Variants in MAML3 observed in about 807,000 individuals in gnomAD.
MAML3 encodes the protein mastermind like transcriptional coactivator 3, also known as mastermind-like protein 3.
In MAML3, 27 loss-of-function variants were observed where a neutral mutation model predicts 101.9. The observed-to-expected ratio is 0.27, with a 90% CI of 0.20 to 0.37. The LOEUF is 0.37. Ranked by LOEUF, MAML3 falls within the 10% of genes least tolerant of loss-of-function variation. The probability of loss-of-function intolerance (pLI) is 1.00; values close to 1 mark genes in which losing one functional copy is unlikely to be tolerated. For missense variants in MAML3, 1,316 were observed against 1,444.9 expected, an observed-to-expected ratio of 0.91 and a Z score of 1.45; for synonymous variants, 501 against 555.9, an observed-to-expected ratio of 0.90 and a Z score of 1.39.
intron 1 of MAML3, among the ~76,000 whole-genome samples, chr4:140,137,104 T>G (rs1728902482): frequency 6.6e-6 from 1 of 152,238 alleles, no homozygotes; most frequent in African/African-American, 2.4e-5. Context: ...TTCTCCTGCC[T>G]CAGCCTCCTG....
chr4:140,075,184 T>C (rs1727746256), intron 1 of MAML3, among the ~76,000 whole-genome samples: 1 of 152,182 alleles, frequency 6.6e-6, no homozygotes, highest in South Asian at 2.1e-4. Flanking sequence ...ATAAGAAGGC[T>C]GAAGTTTGGG....
intron 2 of MAML3, among the ~76,000 whole-genome samples, chr4:139,852,414 T>TGTTG (rs1221197402): frequency 5.2e-5 from 7 of 134,172 alleles, no homozygotes; most frequent in African/African-American, 1.8e-4. Flanking sequence ...TTTTTTTTTT[T>TGTTG]TTTTTTTTTT....
intron 1 of MAML3, among the ~76,000 whole-genome samples, chr4:139,922,087 C>A (rs1203600452): frequency 6.6e-6 from 1 of 152,130 alleles, no homozygotes; most frequent in Non-Finnish European, 1.5e-5. Flanking sequence ...GGAAATCAAT[C>A]CAGGAGCTAG....
At chr4:139,902,267 A>G (rs13146136) in intron 1 of MAML3, among the ~76,000 whole-genome samples, 104,085 of 145,804 alleles carry the variant, frequency 0.71, 38,574 homozygotes, top group Non-Finnish European at 0.85. Context: ...ACACACGCAC[A>G]CACACACGCA....
chr4:140,041,261 C>G (rs1431773750), intron 1 of MAML3, among the ~76,000 whole-genome samples: 2 of 151,914 alleles, frequency 1.3e-5, no homozygotes, highest in Non-Finnish European at 2.9e-5. Context: ...GATAAATATG[C>G]CTTTGCTAGC....
At chr4:139,784,327 CCT>C (rs1730268528) in intron 2 of MAML3, among the ~76,000 whole-genome samples, 1 of 152,218 alleles carries the variant, frequency 6.6e-6, no homozygotes, top group Non-Finnish European at 1.5e-5. Context: ...CTTCCAATTT[CCT>C]GTTTCTAAAA....
intron 1 of MAML3, among the ~76,000 whole-genome samples, chr4:140,023,028 C>T (rs1201218063): frequency 6.6e-6 from 1 of 152,174 alleles, no homozygotes; most frequent in Admixed American, 6.6e-5. Context: ...AATAATCCCC[C>T]TTTTAAGATA....
chr4:139,758,679 T>C (rs997901897), intron 2 of MAML3, among the ~76,000 whole-genome samples: 1 of 152,214 alleles, frequency 6.6e-6, no homozygotes, highest in African/African-American at 2.4e-5. Context: ...GATGTCCCCG[T>C]TTATTTTCCA....
intron 1 of MAML3, among the ~76,000 whole-genome samples, chr4:140,120,013 G>A (rs1578694477): frequency 6.6e-6 from 1 of 151,966 alleles, no homozygotes; most frequent in African/African-American, 2.4e-5. Flanking sequence ...CGAGGCAGGC[G>A]GATCACGAGG....
intron 1 of MAML3, among the ~76,000 whole-genome samples, chr4:139,986,620 T>TC (rs1203142848): frequency 1.3e-5 from 2 of 150,992 alleles, no homozygotes; most frequent in African/African-American, 4.9e-5. Flanking sequence ...CGACTTACTT[T>TC]TTTTTTTTTT....
chr4:139,751,338 G>A (rs1041245689), intron 2 of MAML3, among the ~76,000 whole-genome samples: 3 of 152,158 alleles, frequency 2.0e-5, no homozygotes, highest in African/African-American at 7.2e-5. Context: ...TGGAATATTT[G>A]CATATATATA....
intron 1 of MAML3, among the ~76,000 whole-genome samples, chr4:140,094,597 T>C (rs560777927): frequency 3.3e-4 from 51 of 152,330 alleles, no homozygotes; most frequent in African/African-American, 1.1e-3. Context: ...GACCCATCTC[T>C]GATGAAGACA....
intron 1 of MAML3, among the ~76,000 whole-genome samples, chr4:140,149,367 A>G (rs1234935242): frequency 6.6e-6 from 1 of 152,210 alleles, no homozygotes; most frequent in Admixed American, 6.5e-5. Context: ...GGACTCACAC[A>G]GAACCCAGCC....
intron 2 of MAML3, among the ~76,000 whole-genome samples, chr4:139,793,227 T>C (rs1264683427): frequency 6.6e-6 from 1 of 152,144 alleles, no homozygotes; most frequent in Non-Finnish European, 1.5e-5. Flanking sequence ...TACAGGTTCA[T>C]TGGAAAGAGC....
intron 1 of MAML3, among the ~76,000 whole-genome samples, chr4:139,937,178 T>C (rs1020120284): frequency 1.3e-5 from 2 of 152,234 alleles, no homozygotes; most frequent in African/African-American, 2.4e-5. Context: ...CTTTCAGTAA[T>C]GAATTAAATC....
intron 1 of MAML3, among the ~76,000 whole-genome samples, chr4:140,090,271 C>T (rs962833525): frequency 3.2e-4 from 49 of 152,272 alleles, no homozygotes; most frequent in African/African-American, 1.2e-3. Flanking sequence ...AATGAAACAG[C>T]GAAATGAACT....
At chr4:139,873,013 T>C (rs1396074426) in intron 2 of MAML3, among the ~76,000 whole-genome samples, 5 of 152,036 alleles carry the variant, frequency 3.3e-5, no homozygotes, top group African/African-American at 7.3e-5. Context: ...ACCCAGAAGG[T>C]AGACGTTGCA....
At chr4:139,938,613 C>G (rs1733548391) in intron 1 of MAML3, among the ~76,000 whole-genome samples, 1 of 152,116 alleles carries the variant, frequency 6.6e-6, no homozygotes, top group African/African-American at 2.4e-5. Flanking sequence ...AGGATGAACT[C>G]TTTTAATAGC....
chr4:139,843,833 C>A (rs1469936225), intron 2 of MAML3, among the ~76,000 whole-genome samples: 2 of 152,164 alleles, frequency 1.3e-5, no homozygotes, highest in Non-Finnish European at 2.9e-5. Context: ...TGAGACCTCA[C>A]TGTTTGGGTC....
Sources: allele counts gnomAD v4.1 joint callset (sites outside exome capture counted in the v4.1 genomes callset), GRCh38; gene constraint gnomAD v4.1.1; transcripts MANE v1.5; gene names NCBI Gene and HGNC (gene_info 2026-07-23, HGNC 2026-07-21).